The following SLC14A2 variants were observed in gnomAD, a reference collection of about 807,000 sequenced individuals.
SLC14A2 encodes solute carrier family 14 member 2, also known as urea transporter 2.
Under a neutral mutation model 104.6 loss-of-function variants are expected in SLC14A2, and 91 were observed. The observed-to-expected ratio is 0.87, with a 90% CI of 0.73 to 1.04. SLC14A2 has a LOEUF of 1.04. Ranked by LOEUF, SLC14A2 falls within the 50% of genes least tolerant of loss-of-function variation. SLC14A2 has a pLI of 0.00. For synonymous variants in SLC14A2, 476 were observed against 466.4 expected (o/e 1.02, Z -0.27); for missense variants, 1,189 against 1,156.0 (o/e 1.03, Z -0.41).
intron 2 of SLC14A2, among the ~76,000 whole-genome samples, chr18:45,487,458 T>C (rs189790153): frequency 3.9e-5 from 6 of 152,292 alleles, no homozygotes; most frequent in Admixed American, 1.3e-4. Context: ...TCCTGGGGAT[T>C]AGGGCACAGG....
intron 1 of SLC14A2, among the ~76,000 whole-genome samples, chr18:45,341,880 G>T (rs1034031508): frequency 1.3e-5 from 2 of 152,102 alleles, no homozygotes; most frequent in South Asian, 4.2e-4. Context: ...GAGCCACCAC[G>T]CCTGATCCCA....
chr18:45,664,253 G>A (rs985277237), intron 11 of SLC14A2, among the ~76,000 whole-genome samples: 15 of 152,274 alleles, frequency 9.9e-5, no homozygotes, highest in African/African-American at 3.6e-4. Context: ...ATTCTAATTT[G>A]CCAGCAAATC....
chr18:45,197,548 T>G, the SLC14A2 span, among the ~76,000 whole-genome samples: 1 of 152,222 alleles, frequency 6.6e-6, no homozygotes, highest in Non-Finnish European at 1.5e-5. Context: ...GTGACAGTCT[T>G]GTGGGTTCTA....
At chr18:45,605,740 G>C (rs2044857864) in intron 2 of SLC14A2, among the ~76,000 whole-genome samples, 1 of 152,114 alleles carries the variant, frequency 6.6e-6, no homozygotes, top group Non-Finnish European at 1.5e-5. Context: ...CCAATGCAAT[G>C]ATTTTTCTTC....
At chr18:45,267,285 C>A (rs973715605) in intron 1 of SLC14A2, among the ~76,000 whole-genome samples, 1 of 152,124 alleles carries the variant, frequency 6.6e-6, no homozygotes, top group African/African-American at 2.4e-5. Flanking sequence ...CCTGACTTTG[C>A]TCCCCAAGTT....
intron 1 of SLC14A2, among the ~76,000 whole-genome samples, chr18:45,243,616 G>A (rs1385585330): frequency 2.0e-5 from 3 of 152,224 alleles, no homozygotes; most frequent in Non-Finnish European, 2.9e-5. Flanking sequence ...GGTTTTGACT[G>A]TAAATGTATT....
intron 1 of SLC14A2, among the ~76,000 whole-genome samples, chr18:45,382,458 G>A (rs1367581358): frequency 1.3e-5 from 2 of 152,132 alleles, no homozygotes; most frequent in Non-Finnish European, 2.9e-5. Context: ...CTGTATGTTA[G>A]CATTAGTCTC....
At chr18:45,325,865 C>T (rs7235718) in intron 1 of SLC14A2, among the ~76,000 whole-genome samples, 4,291 of 152,260 alleles carry the variant, frequency 0.028, 88 homozygotes, top group African/African-American at 0.047. Context: ...TCTTCCTGCA[C>T]CCTCCAAAAT....
At chr18:45,281,757 T>C (rs1467768908) in intron 1 of SLC14A2, among the ~76,000 whole-genome samples, 1 of 151,872 alleles carries the variant, frequency 6.6e-6, no homozygotes, top group Admixed American at 6.6e-5. Context: ...GGAGTAGGAG[T>C]CTCTTAACAA....
chr18:45,570,379 C>T (rs2044327225), intron 2 of SLC14A2, among the ~76,000 whole-genome samples: 1 of 152,162 alleles, frequency 6.6e-6, no homozygotes, highest in Non-Finnish European at 1.5e-5. Flanking sequence ...GCATTTAGCC[C>T]AGATGGTAGA....
intron 11 of SLC14A2, among the ~76,000 whole-genome samples, chr18:45,665,220 G>C (rs1340295550): frequency 6.6e-6 from 1 of 152,138 alleles, no homozygotes; most frequent in Non-Finnish European, 1.5e-5. Context: ...CATGAGTGCA[G>C]AACGGGGGAA....
At chr18:45,603,389 T>C (rs989206535) in intron 2 of SLC14A2, among the ~76,000 whole-genome samples, 1 of 152,016 alleles carries the variant, frequency 6.6e-6, no homozygotes, top group Non-Finnish European at 1.5e-5. Flanking sequence ...CCATTGACAA[T>C]CAACAAGCAG....
chr18:45,633,608 C>G (rs184811878), intron 5 of SLC14A2, among the ~76,000 whole-genome samples: 21 of 152,216 alleles, frequency 1.4e-4, no homozygotes, highest in African/African-American at 4.8e-4. Context: ...GTCCCCCAGA[C>G]CCTGACTTCA....
intron 18 of SLC14A2, among the ~76,000 whole-genome samples, chr18:45,677,525 T>G (rs1312748509): frequency 2.0e-5 from 3 of 152,218 alleles, no homozygotes; most frequent in African/African-American, 7.2e-5. Flanking sequence ...TCTCCATGCC[T>G]GATACTAACA....
chr18:45,246,723 CCG>C (rs573563743), intron 1 of SLC14A2, among the ~76,000 whole-genome samples: 3 of 152,004 alleles, frequency 2.0e-5, no homozygotes, highest in Non-Finnish European at 4.4e-5. Flanking sequence ...CAGGTGTGTG[CCG>C]CCACACTGGG....
At chr18:45,354,424 A>G (rs1168636753) in intron 1 of SLC14A2, among the ~76,000 whole-genome samples, 1 of 152,198 alleles carries the variant, frequency 6.6e-6, no homozygotes, top group Non-Finnish European at 1.5e-5. Context: ...TCCTCCGCTC[A>G]CTACTTCAAC....
chr18:45,351,563 C>T (rs147401262), intron 1 of SLC14A2, among the ~76,000 whole-genome samples: 111 of 152,190 alleles, frequency 7.3e-4, no homozygotes, highest in African/African-American at 2.6e-3. Context: ...CTATGTTGCC[C>T]AGGCTGGTCT....
At chr18:45,560,578 C>T (rs889571868) in intron 2 of SLC14A2, among the ~76,000 whole-genome samples, 1 of 152,162 alleles carries the variant, frequency 6.6e-6, no homozygotes, top group Non-Finnish European at 1.5e-5. Flanking sequence ...AAACAATCCC[C>T]TTGCATTCTA....
chr18:45,472,757 T>C (rs1460438014), intron 1 of SLC14A2, among the ~76,000 whole-genome samples: 2 of 152,226 alleles, frequency 1.3e-5, no homozygotes, highest in South Asian at 2.1e-4. Flanking sequence ...TTTAAGTTTC[T>C]TATAGATTCT....
Sources: gnomAD v4.1 joint callset for allele counts (sites outside exome capture counted in the v4.1 genomes callset) on GRCh38, gnomAD v4.1.1 for gene constraint, MANE v1.5 for transcripts, NCBI Gene and HGNC (gene_info 2026-07-23, HGNC 2026-07-21) for gene names.